The following TFDP2 variants were observed in gnomAD, a reference collection of about 807,000 sequenced individuals.
TFDP2 encodes the protein transcription factor Dp-2, also known as transcription factor Dp-2 (E2F dimerization partner 2).
In TFDP2, 17 loss-of-function variants were observed where a neutral mutation model predicts 59.3. The ratio of observed to expected loss-of-function variants is 0.29; its 90% CI spans 0.20 to 0.43. The LOEUF is 0.43. TFDP2 is among the 20% of genes least tolerant of loss of function. The probability of loss-of-function intolerance (pLI) is 1.00; values close to 1 mark genes in which losing one functional copy is unlikely to be tolerated. For missense variants in TFDP2, 391 were observed against 528.8 expected (o/e 0.74, Z 2.56); for synonymous variants, 180 against 194.7 (o/e 0.92, Z 0.63).
At chr3:142,001,011 G>C (rs1943714354) in intron 4 of TFDP2, among the ~76,000 whole-genome samples, 1 of 152,166 alleles carries the variant, frequency 6.6e-6, no homozygotes, top group Non-Finnish European at 1.5e-5. Context: ...GGCTCTCCCA[G>C]GCTGGAGTTG....
chr3:141,963,021 G>A (rs1937535050), intron 10 of TFDP2, among the ~76,000 whole-genome samples: 1 of 152,104 alleles, frequency 6.6e-6, no homozygotes, highest in Admixed American at 6.6e-5. Flanking sequence ...GGAAGTCATA[G>A]GGGACCCAGT....
At chr3:141,987,773 G>GA (rs112269693) in intron 6 of TFDP2, among the ~76,000 whole-genome samples, 8,968 of 124,944 alleles carry the variant, frequency 0.072, 417 homozygotes, top group Middle Eastern at 0.16. Context: ...ACTAAAAATA[G>GA]AAAAAAAAAA....
Position 141,968,856 on chromosome 3 carries a change from A to AAC in TFDP2, c.732+1215_732+1216dup, listed in dbSNP as rs1234181796. On this transcript the variant is annotated intron_variant, in intron 9 of 12. Transcript: ENST00000489671. The stretch of plus-strand genomic sequence containing the variant: ...ATATCTCATATATATAGATATATAT[A>AAC]ACATATATATCTCATATATATAGAT... 2.8e-4 allele frequency among the ~76,000 whole-genome samples: 18 copies of AAC among 63,396 alleles called. 1 individual carries two copies. Among genetic ancestry groups the AAC allele is most frequent in the African/African-American group, 9.6e-4 (10 of 10,424 alleles). 41.6% of individuals were successfully genotyped at this position (63,396 alleles called of 152,430 possible).
intron 7 of TFDP2, among the ~76,000 whole-genome samples, chr3:141,976,303 C>G (rs1274732829): frequency 6.6e-6 from 1 of 152,076 alleles, no homozygotes; most frequent in African/African-American, 2.4e-5. Context: ...TAGATACTGT[C>G]TACAGGTGGT....
At chr3:142,108,172 C>G (rs772565566) in intron 1 of TFDP2, among the ~76,000 whole-genome samples, 2 of 151,926 alleles carry the variant, frequency 1.3e-5, no homozygotes, top group Non-Finnish European at 2.9e-5. Flanking sequence ...CTTCAGACAG[C>G]CAAGACCACA....
At chr3:142,057,739 G>A (rs532284963) in intron 3 of TFDP2, among the ~76,000 whole-genome samples, 14 of 152,330 alleles carry the variant, frequency 9.2e-5, no homozygotes, top group African/African-American at 3.4e-4. Flanking sequence ...TAATAATACA[G>A]AATGAGTTGA....
chr3:142,072,280 C>T (rs1208545323), intron 3 of TFDP2, among the ~76,000 whole-genome samples: 1 of 152,196 alleles, frequency 6.6e-6, no homozygotes, highest in Non-Finnish European at 1.5e-5. Context: ...GATGTGGACA[C>T]TGTAGTTTAG....
At chr3:142,111,109 A>G (rs915181613) in intron 1 of TFDP2, among the ~76,000 whole-genome samples, 8 of 152,078 alleles carry the variant, frequency 5.3e-5, no homozygotes, top group Non-Finnish European at 1.2e-4. Context: ...CAGTCACTAC[A>G]AGTGCTATGA....
intron 3 of TFDP2, among the ~76,000 whole-genome samples, chr3:142,082,769 C>T (rs1298107610): frequency 6.6e-6 from 1 of 152,028 alleles, no homozygotes; most frequent in African/African-American, 2.4e-5. Context: ...AAGACAAAAA[C>T]AATATAATCA....
chr3:142,146,586 G>T (rs73236048), intron 1 of TFDP2, among the ~76,000 whole-genome samples: 12,706 of 152,196 alleles, frequency 0.083, 657 homozygotes, highest in Middle Eastern at 0.14. Flanking sequence ...TTATTATAAA[G>T]TAACAGTGTA....
At chr3:141,996,494 C>T (rs957760419) in intron 4 of TFDP2, among the ~76,000 whole-genome samples, 1 of 152,186 alleles carries the variant, frequency 6.6e-6, no homozygotes, top group Non-Finnish European at 1.5e-5. Context: ...AGAAATAGTT[C>T]TATTTCTACT....
At chr3:142,128,537 C>T (rs567278183) in intron 1 of TFDP2, among the ~76,000 whole-genome samples, 2 of 152,214 alleles carry the variant, frequency 1.3e-5, no homozygotes, top group East Asian at 1.9e-4. Context: ...TTTATTGATT[C>T]GGTCTTTAAT....
In TFDP2 at chr3:142,103,330, G is replaced by GA. The variant is rs148259085; in HGVS notation, c.-92-1490dup. Among the ~76,000 whole-genome samples the GA allele has an allele frequency of 4.2e-3, 625 of 148,108 alleles. 3 individuals are homozygous for GA. The highest frequency in any genetic ancestry group is 6.2e-3 in the Non-Finnish European group (416 of 66,722). On this transcript the variant is annotated intron_variant, in intron 1 of 12. Transcript: ENST00000489671. ...TGATCTTGGTCAGGACACTGAACTA[G>GA]AAAAAAAAAACTGCTGTGAAGACCA...
At chr3:142,075,599 A>AT (rs2060416716) in intron 3 of TFDP2, among the ~76,000 whole-genome samples, 1 of 152,074 alleles carries the variant, frequency 6.6e-6, no homozygotes, top group South Asian at 2.1e-4. Context: ...CTTTTAAAAA[A>AT]ATATATTGTA....
At chr3:142,075,055 A>G (rs2060395504) in intron 3 of TFDP2, among the ~76,000 whole-genome samples, 2 of 152,204 alleles carry the variant, frequency 1.3e-5, no homozygotes, top group Non-Finnish European at 2.9e-5. Context: ...CACCATTAAA[A>G]AAATCAACTC....
intron 1 of TFDP2, among the ~76,000 whole-genome samples, chr3:142,147,671 C>T (rs1302217432): frequency 1.3e-5 from 2 of 151,730 alleles, no homozygotes; most frequent in African/African-American, 4.8e-5. Flanking sequence ...ATGTAAGGGC[C>T]ACAGTGCTCA....
chr3:142,148,148 A>C (rs1167873815), intron 1 of TFDP2, among the ~76,000 whole-genome samples: 1 of 151,724 alleles, frequency 6.6e-6, no homozygotes, highest in East Asian at 1.9e-4. Context: ...TGTGCAAGTC[A>C]AATGAAAAGA....
intron 3 of TFDP2, among the ~76,000 whole-genome samples, chr3:142,058,866 A>T (rs1304443807): frequency 6.6e-6 from 1 of 152,162 alleles, no homozygotes; most frequent in Non-Finnish European, 1.5e-5. Context: ...ATTGGTAATC[A>T]TCTAAATCTC....
chr3:142,043,629 C>T (rs147253269), intron 3 of TFDP2: 1 of 872,528 alleles, frequency 1.1e-6, no homozygotes, highest in Non-Finnish European at 2.0e-6. Flanking sequence ...GCTTTTATTT[C>T]TTGGTCTCTT....
Sources: gnomAD v4.1 joint callset for allele counts (sites outside exome capture counted in the v4.1 genomes callset) on GRCh38, gnomAD v4.1.1 for gene constraint, MANE v1.5 for transcripts, NCBI Gene and HGNC (gene_info 2026-07-23, HGNC 2026-07-21) for gene names.